NTM: variants seen among roughly 807,000 people sequenced by gnomAD.
NTM encodes neurotrimin, also known as IgLON family member 2.
NTM carries 13 observed loss-of-function variants against 42.1 expected under a neutral mutation model. The ratio of observed to expected loss-of-function variants is 0.31; its 90% CI spans 0.20 to 0.49. The LOEUF (loss-of-function observed/expected upper bound fraction) is 0.49. Among genes scored for constraint, NTM ranks in the 20% least tolerant of loss-of-function variants. NTM has a pLI of 0.99. For synonymous variants in NTM, 187 were observed against 179.2 expected (o/e 1.04, Z -0.35); for missense variants, 373 against 452.8 (o/e 0.82, Z 1.60).
chr11:131,482,548 C>T (rs989284075), intron 1 of NTM, among the ~76,000 whole-genome samples: 3 of 152,180 alleles, frequency 2.0e-5, no homozygotes, highest in Admixed American at 6.5e-5. Flanking sequence ...GATGTGTCCT[C>T]CCTCCATCAT....
chr11:132,294,398 C>T (rs2094547699), intron 4 of NTM, among the ~76,000 whole-genome samples: 1 of 151,760 alleles, frequency 6.6e-6, no homozygotes, highest in Non-Finnish European at 1.5e-5. Context: ...AGGTGCCATT[C>T]AAGTCTTAGA....
At chr11:131,678,542 A>T (rs970891132) in intron 1 of NTM, among the ~76,000 whole-genome samples, 4 of 152,180 alleles carry the variant, frequency 2.6e-5, no homozygotes, top group African/African-American at 9.7e-5. Flanking sequence ...CCCAGTGTGG[A>T]GCTGTGAGAT....
At chr11:132,197,157 G>A (rs1487461770) in intron 3 of NTM, among the ~76,000 whole-genome samples, 1 of 152,154 alleles carries the variant, frequency 6.6e-6, no homozygotes, top group African/African-American at 2.4e-5. Context: ...TTAAGGAGGA[G>A]TAGCCAGTAA....
chr11:132,207,900 A>G (rs76282158), intron 3 of NTM, among the ~76,000 whole-genome samples: 3,167 of 152,294 alleles, frequency 0.021, 50 homozygotes, highest in Non-Finnish European at 0.033. Context: ...ATTCTGTGTC[A>G]CCATACATTA....
intron 1 of NTM, among the ~76,000 whole-genome samples, chr11:131,651,023 A>G (rs1306576796): frequency 1.3e-5 from 2 of 152,222 alleles, no homozygotes; most frequent in East Asian, 3.8e-4. Flanking sequence ...GTTTACAAAT[A>G]TGTAGATACA....
chr11:131,463,149 G>T (rs1006494149), intron 1 of NTM, among the ~76,000 whole-genome samples: 2 of 152,150 alleles, frequency 1.3e-5, no homozygotes, highest in Non-Finnish European at 1.5e-5. Context: ...TTATAAAAAG[G>T]TTACAGGAGC....
chr11:131,615,217 A>C (rs1424557444), intron 1 of NTM, among the ~76,000 whole-genome samples: 2 of 152,228 alleles, frequency 1.3e-5, no homozygotes, highest in Non-Finnish European at 2.9e-5. Flanking sequence ...CTGGGACTAC[A>C]GTCCAGTTAC....
chr11:131,815,005 C>A (rs765899747), intron 1 of NTM, among the ~76,000 whole-genome samples: 6 of 152,120 alleles, frequency 3.9e-5, no homozygotes, highest in Non-Finnish European at 7.4e-5. Context: ...TTCATTTTGC[C>A]CTCTGCCAGT....
At chr11:131,562,095 A>T (rs2137006360) in intron 1 of NTM, among the ~76,000 whole-genome samples, 1 of 152,230 alleles carries the variant, frequency 6.6e-6, no homozygotes, top group Admixed American at 6.5e-5. Flanking sequence ...TAAGGGTCCC[A>T]ACTGGTGCTG....
At chr11:131,516,721 G>A (rs1202334931) in intron 1 of NTM, among the ~76,000 whole-genome samples, 1 of 152,216 alleles carries the variant, frequency 6.6e-6, no homozygotes, top group Non-Finnish European at 1.5e-5. Flanking sequence ...AATATGTATT[G>A]TATTAATTGG....
intron 2 of NTM, among the ~76,000 whole-genome samples, chr11:131,989,361 T>A (rs1186235270): frequency 6.6e-6 from 1 of 152,228 alleles, no homozygotes; most frequent in Non-Finnish European, 1.5e-5. Context: ...TTGTTCTTAT[T>A]GGTGTGTTTA....
intron 1 of NTM, among the ~76,000 whole-genome samples, chr11:131,526,549 C>T (rs555938126): frequency 6.6e-6 from 1 of 152,290 alleles, no homozygotes; most frequent in East Asian, 1.9e-4. Context: ...GGTAGGTTGT[C>T]GAAATGTCAG....
chr11:131,755,332 G>A (rs1401525674), intron 1 of NTM, among the ~76,000 whole-genome samples: 1 of 152,070 alleles, frequency 6.6e-6, no homozygotes, highest in African/African-American at 2.4e-5. Flanking sequence ...TGACCCTGGG[G>A]GTGAAGACTG....
intron 3 of NTM, among the ~76,000 whole-genome samples, chr11:132,169,320 CTT>C (rs567723794): frequency 5.7e-3 from 183 of 32,336 alleles, no homozygotes; most frequent in South Asian, 0.011. Flanking sequence ...AATTTTTTTA[CTT>C]TTTTTTTTTT....
chr11:132,030,992 A>G (rs1470432419), intron 2 of NTM, among the ~76,000 whole-genome samples: 1 of 152,088 alleles, frequency 6.6e-6, no homozygotes, highest in Non-Finnish European at 1.5e-5. Context: ...GCCAGCAGCT[A>G]CTCACCCAGA....
chr11:131,473,986 G>C (rs879934656), intron 1 of NTM, among the ~76,000 whole-genome samples: 1 of 152,014 alleles, frequency 6.6e-6, no homozygotes, highest in Non-Finnish European at 1.5e-5. Context: ...TTCTGACAAT[G>C]GTCTTATCTT....
intron 1 of NTM, among the ~76,000 whole-genome samples, chr11:131,432,876 C>T (rs756838440): frequency 5.5e-5 from 4 of 72,242 alleles, no homozygotes; most frequent in Admixed American, 3.6e-4. Flanking sequence ...TTTTTTGAGA[C>T]GGAGTCTCAC....
chr11:132,080,150 C>A (rs541762775), intron 2 of NTM, among the ~76,000 whole-genome samples: 1 of 151,750 alleles, frequency 6.6e-6, no homozygotes, highest in East Asian at 1.9e-4. Flanking sequence ...CCTGAAGAGT[C>A]ATTATGAAAC....
intron 7 of NTM, among the ~76,000 whole-genome samples, chr11:132,317,461 T>TAAAGCATGTCAGCGTTTC (rs2095459742): frequency 6.6e-6 from 1 of 152,090 alleles, no homozygotes; most frequent in Non-Finnish European, 1.5e-5. Context: ...TATGGAAACA[T>TAAAGCATGTCAGCGTTTC]AAAGCATGTC....
Sources: gnomAD v4.1 joint callset for allele counts (sites outside exome capture counted in the v4.1 genomes callset) on GRCh38, gnomAD v4.1.1 for gene constraint, MANE v1.5 for transcripts, NCBI Gene and HGNC (gene_info 2026-07-23, HGNC 2026-07-21) for gene names.